The following BRAF variants were observed in gnomAD, a reference collection of about 807,000 sequenced individuals.
BRAF encodes serine/threonine-protein kinase B-raf.
In BRAF, 16 loss-of-function variants were observed where a neutral mutation model predicts 104.6. The ratio of observed to expected loss-of-function variants is 0.15; its 90% CI spans 0.10 to 0.23. The LOEUF is 0.23. BRAF is among the 10% of genes least tolerant of loss of function. The probability of loss-of-function intolerance (pLI) is 1.00; values close to 1 mark genes in which losing one functional copy is unlikely to be tolerated. For missense variants in BRAF, 541 were observed against 937.3 expected (o/e 0.58, Z 5.52); for synonymous variants, 310 against 341.6 (o/e 0.91, Z 1.02).
intron 1 of BRAF, among the ~76,000 whole-genome samples, chr7:140,862,183 A>G (rs1282292844): frequency 6.6e-6 from 1 of 152,196 alleles, no homozygotes; most frequent in Admixed American, 6.5e-5. Flanking sequence ...CAATGAACAA[A>G]CAGAATAAAT....
intron 18 of BRAF, 114 bp downstream of exon 17, chr7:140,739,698 T>C (rs1237702170): frequency 3.2e-6 from 4 of 1,240,798 alleles, no homozygotes; most frequent in Non-Finnish European, 3.5e-6. Flanking sequence ...TTGTCTGGAG[T>C]CTGCACATAG....
Position 140,808,048 on chromosome 7 carries a change from A to G in BRAF, c.623T>C (p.Ile208Thr). 1.2e-6 allele frequency: 2 copies of G among 1,612,592 alleles called. No individual in the cohort carries two copies. Among genetic ancestry groups the G allele is most frequent in the Non-Finnish European group, 1.7e-6 (2 of 1,178,808 alleles). ...CCAGGAAATATCAGTGTCCCAACCA[A>G]TTGGTTTCTTCTCTCTGAAAAATGT... ...YRIQDGEKKPIGWDTDISWLT... is the reference protein window; with the variant it reads ...YRIQDGEKKPTGWDTDISWLT... Residue 208 changes from isoleucine (I) to threonine (T), a missense_variant, in exon 5 of 20, where the codon ATT becomes ACT. Ile to Thr is a moderately conservative substitution (Grantham distance 89). Around this residue, in one of 10 missense-constraint regions of BRAF, gnomAD observed 26 missense variants for 74.4 expected, o/e 0.35. Transcript: ENST00000644969.
rs982083001 is a variant in BRAF at position 140,799,004 on chromosome 7, C to T, written c.980+1358G>A. The stretch of plus-strand genomic sequence containing the variant: ...GGGATTACAGGTGTGTGCCATCATG[C>T]CCAGCTAATTTTTTTTTTTTTGTAT... On this transcript the variant is annotated intron_variant, in intron 7 of 19. Transcript: ENST00000644969. 42 of 175,290 alleles carry T rather than the reference C, an allele frequency of 2.4e-4. No homozygotes were observed. Among genetic ancestry groups the T allele is most frequent in the Admixed American group, 4.4e-4 (7 of 15,800 alleles). 10.9% of individuals were successfully genotyped at this position (175,290 alleles called of 1,614,324 possible).
chr7:140,836,517 T>C (rs1170274430), intron 2 of BRAF, among the ~76,000 whole-genome samples: 2 of 128,620 alleles, frequency 1.6e-5, no homozygotes, highest in African/African-American at 9.1e-5. Flanking sequence ...CAAGAGCTAC[T>C]GAGGAAGAGA....
intron 16 of BRAF, 25 bp from the exon 16 acceptor site, chr7:140,749,443 A>G (rs1275900657): frequency 1.2e-6 from 2 of 1,610,752 alleles, no homozygotes; most frequent in Non-Finnish European, 1.7e-6. Flanking sequence ...AAAGAAAAAT[A>G]TTCTTCACTT....
At chr7:140,747,480 T>C in intron 17 of BRAF, 1 of 1,099,662 alleles carries the variant, frequency 9.1e-7, no homozygotes, top group South Asian at 1.3e-5. Flanking sequence ...AGAGAAGAAC[T>C]CTGGGATGCT....
chr7:140,824,530 G>C (rs541985061), intron 3 of BRAF: 1 of 151,974 alleles, frequency 6.6e-6, no homozygotes, highest in South Asian at 2.1e-4. Flanking sequence ...CTCTAACTTT[G>C]TAGTAAGTTT....
At chr7:140,893,692 A>T (rs1814539312) in intron 1 of BRAF, among the ~76,000 whole-genome samples, 1 of 152,176 alleles carries the variant, frequency 6.6e-6, no homozygotes, top group South Asian at 2.1e-4. Flanking sequence ...ACCACCAATA[A>T]AACAGGGAGT....
At chr7:140,827,501 A>C (rs1806192328) in intron 3 of BRAF, among the ~76,000 whole-genome samples, 1 of 152,218 alleles carries the variant, frequency 6.6e-6, no homozygotes, top group Non-Finnish European at 1.5e-5. Context: ...CTTTATTTAG[A>C]GTACTGTCAA....
intron 1 of BRAF, among the ~76,000 whole-genome samples, chr7:140,882,109 TACAATAAAATGAAAC>T (rs1211376715): frequency 6.6e-6 from 1 of 152,190 alleles, no homozygotes; most frequent in East Asian, 1.9e-4. Context: ...ATCTGTGTAG[TACAATAAAATGAAAC>T]ACAATAAAAC....
At chr7:140,894,490 T>G (rs557413655) in intron 1 of BRAF, among the ~76,000 whole-genome samples, 3 of 152,210 alleles carry the variant, frequency 2.0e-5, no homozygotes, top group African/African-American at 7.2e-5. Flanking sequence ...GGAAAAAAAT[T>G]TTTTTAATGG....
chr7:140,892,528 C>T (rs1563021177), intron 1 of BRAF, among the ~76,000 whole-genome samples: 1 of 152,136 alleles, frequency 6.6e-6, no homozygotes, highest in East Asian at 1.9e-4. Flanking sequence ...TTTAAAGTTT[C>T]CCAAAATTGT....
At chr7:140,899,849 G>T (rs1413473935) in intron 1 of BRAF, among the ~76,000 whole-genome samples, 14 of 152,150 alleles carry the variant, frequency 9.2e-5, no homozygotes, top group Admixed American at 9.2e-4. Flanking sequence ...ATGTAAGCTG[G>T]AGTTATTGCC....
In BRAF at chr7:140,764,688, T is replaced by C. The variant is rs200487116; in HGVS notation, c.1815-10455A>G. Among the ~76,000 whole-genome samples the C allele has an allele frequency of 3.9e-5, 6 of 152,150 alleles. No individual in the cohort carries two copies. Among genetic ancestry groups the C allele is most frequent in the Non-Finnish European group, 2.9e-5 (2 of 68,034 alleles). ...CAGAGAGCCAAATCATGAGTGAACT[T>C]CCATTCACAATTGCTTCAAAGAGAA... On this transcript the variant is annotated intron_variant, in intron 14 of 19. Transcript: ENST00000644969.
At chr7:140,822,496 T>C (rs750654722) in intron 3 of BRAF, 2 of 152,246 alleles carry the variant, frequency 1.3e-5, no homozygotes, top group South Asian at 2.1e-4. Context: ...ATAGAAGAGT[T>C]TGCATTTTCT....
At chr7:140,757,374 C>T (rs1798289587) in intron 14 of BRAF, among the ~76,000 whole-genome samples, 1 of 152,086 alleles carries the variant, frequency 6.6e-6, no homozygotes, top group Non-Finnish European at 1.5e-5. Flanking sequence ...ACTGCAACCT[C>T]CACCTCCTAG....
chr7:140,823,009 A>G (rs952634642), intron 3 of BRAF, among the ~76,000 whole-genome samples: 1 of 152,086 alleles, frequency 6.6e-6, no homozygotes, highest in African/African-American at 2.4e-5. Context: ...TTTTTTGTAG[A>G]CATGGGGTCT....
At chr7:140,753,155 T>A in intron 16 of BRAF, 120 bp downstream of exon 15, 5 of 756,276 alleles carry the variant, frequency 6.6e-6, no homozygotes, top group Non-Finnish European at 1.1e-5. Context: ...GAACACTGAT[T>A]TTTGTGAATA....
intron 19 of BRAF, among the ~76,000 whole-genome samples, chr7:140,727,219 T>G (rs1167537370): frequency 3.3e-5 from 5 of 151,980 alleles, no homozygotes; most frequent in Non-Finnish European, 7.4e-5. Context: ...ATTTTGCTTT[T>G]GTTGCCCAGG....
Sources: allele counts gnomAD v4.1 joint callset (sites outside exome capture counted in the v4.1 genomes callset), GRCh38; gene constraint gnomAD v4.1.1; regional missense constraint gnomAD v4.1.1; transcripts MANE v1.5; gene names NCBI Gene and HGNC (gene_info 2026-07-23, HGNC 2026-07-21).